Variants in ATG10 observed in about 807,000 individuals in gnomAD.
The protein encoded by ATG10 is ubiquitin-like-conjugating enzyme ATG10.
In ATG10, 30 loss-of-function variants were observed where a neutral mutation model predicts 32.1. That is an observed-to-expected ratio of 0.94 (90% CI 0.70 to 1.27). ATG10 has a LOEUF of 1.27. Among genes scored for constraint, ATG10 ranks in the 50% most tolerant of loss-of-function variants. ATG10 has a pLI of 0.00. For synonymous variants in ATG10, 87 were observed against 91.5 expected (o/e 0.95, Z 0.28); for missense variants, 233 against 262.3 (o/e 0.89, Z 0.77).
intron 1 of ATG10, among the ~76,000 whole-genome samples, chr5:81,975,588 G>A (rs1295841020): frequency 5.3e-5 from 8 of 151,992 alleles, no homozygotes; most frequent in African/African-American, 1.2e-4. Flanking sequence ...AGGCTGAGGC[G>A]GGAGGATTGC....
At chr5:82,173,108 T>C (rs930571564) in intron 4 of ATG10, among the ~76,000 whole-genome samples, 2 of 152,192 alleles carry the variant, frequency 1.3e-5, no homozygotes, top group Non-Finnish European at 2.9e-5. Flanking sequence ...AGAACATTAT[T>C]CTTAAACTTA....
chr5:82,196,455 C>G (rs756701492), intron 5 of ATG10, among the ~76,000 whole-genome samples: 1 of 152,028 alleles, frequency 6.6e-6, no homozygotes, highest in African/African-American at 2.4e-5. Flanking sequence ...AAAACTGTTA[C>G]GTATCCTAAG....
At chr5:82,155,567 A>G (rs1184497888) in intron 3 of ATG10, among the ~76,000 whole-genome samples, 1 of 152,198 alleles carries the variant, frequency 6.6e-6, no homozygotes, top group Non-Finnish European at 1.5e-5. Flanking sequence ...GAAGCCTAAA[A>G]TATTTACTAC....
chr5:82,015,013 G>A (rs535419580), intron 2 of ATG10, among the ~76,000 whole-genome samples: 2 of 152,240 alleles, frequency 1.3e-5, no homozygotes, highest in South Asian at 4.1e-4. Flanking sequence ...GCTCTTTTAG[G>A]GCAGGCCTGG....
At chr5:82,247,467 A>G (rs1747083186) in intron 5 of ATG10, among the ~76,000 whole-genome samples, 1 of 152,100 alleles carries the variant, frequency 6.6e-6, no homozygotes, top group Non-Finnish European at 1.5e-5. Context: ...TTTCAACTCT[A>G]GAATTTCTAT....
intron 4 of ATG10, among the ~76,000 whole-genome samples, chr5:82,170,999 T>A (rs1743786972): frequency 6.6e-6 from 1 of 152,174 alleles, no homozygotes; most frequent in Non-Finnish European, 1.5e-5. Context: ...AGGCTGTAGA[T>A]ATCCAGCTGG....
chr5:82,180,121 G>A (rs911815241), intron 5 of ATG10, among the ~76,000 whole-genome samples: 1 of 152,080 alleles, frequency 6.6e-6, no homozygotes. Context: ...ATAGTTCTCC[G>A]AGGGCCTATG....
chr5:82,098,342 C>T (rs1225984746), intron 3 of ATG10, among the ~76,000 whole-genome samples: 2 of 124,228 alleles, frequency 1.6e-5, no homozygotes, highest in South Asian at 2.6e-4. Context: ...GACTGAGTCT[C>T]GCTCTGTCAC....
intron 2 of ATG10, among the ~76,000 whole-genome samples, chr5:82,033,225 T>A (rs906260717): frequency 3.3e-5 from 5 of 152,204 alleles, no homozygotes; most frequent in African/African-American, 1.2e-4. Flanking sequence ...AATTTTTATA[T>A]GTACATATAT....
At chr5:82,147,204 T>C (rs574861847) in intron 3 of ATG10, 49 of 223,932 alleles carry the variant, frequency 2.2e-4, no homozygotes, top group African/African-American at 9.9e-4. Flanking sequence ...AGTCTTGCTC[T>C]GTCACCCAGG....
intron 2 of ATG10, among the ~76,000 whole-genome samples, chr5:82,026,511 T>C (rs1435123050): frequency 1.3e-5 from 2 of 152,162 alleles, no homozygotes; most frequent in East Asian, 3.8e-4. Flanking sequence ...ATATGTATAA[T>C]TATTTTTATT....
chr5:81,981,797 T>G (rs967557516), intron 1 of ATG10, among the ~76,000 whole-genome samples: 1 of 152,224 alleles, frequency 6.6e-6, no homozygotes, highest in Non-Finnish European at 1.5e-5. Context: ...GAATTAGTTC[T>G]ACACACATTA....
chr5:82,043,513 G>A (rs1258904523), intron 2 of ATG10, among the ~76,000 whole-genome samples: 2 of 152,182 alleles, frequency 1.3e-5, no homozygotes, highest in African/African-American at 4.8e-5. Flanking sequence ...ATTCTTCCGT[G>A]GAAAATGGGT....
chr5:82,120,910 T>C (rs1341033554), intron 3 of ATG10, among the ~76,000 whole-genome samples: 2 of 152,174 alleles, frequency 1.3e-5, no homozygotes, highest in African/African-American at 4.8e-5. Flanking sequence ...TCTAATATTT[T>C]TGACAGGAAG....
chr5:82,039,199 C>T (rs896023246), intron 2 of ATG10, among the ~76,000 whole-genome samples: 8 of 152,148 alleles, frequency 5.3e-5, no homozygotes, highest in African/African-American at 1.7e-4. Context: ...AAAAGTTAGT[C>T]ATACTCAGAA....
intron 2 of ATG10, among the ~76,000 whole-genome samples, chr5:82,026,355 C>T (rs1026663808): frequency 7.2e-5 from 11 of 152,008 alleles, no homozygotes; most frequent in African/African-American, 1.9e-4. Flanking sequence ...ATATACGTGC[C>T]GCATTTTGTT....
intron 3 of ATG10, among the ~76,000 whole-genome samples, chr5:82,123,754 A>C: frequency 8.1e-6 from 1 of 123,618 alleles, no homozygotes; most frequent in African/African-American, 3.2e-5. Context: ...ACAGGGAGAC[A>C]CTGTCTGTAC....
chr5:82,230,680 C>G (rs931986298), intron 5 of ATG10, among the ~76,000 whole-genome samples: 1 of 135,046 alleles, frequency 7.4e-6, no homozygotes, highest in Non-Finnish European at 1.5e-5. Context: ...TTGCAGTGAG[C>G]TGAGATCGCA....
At chr5:82,250,594 C>T (rs1747215751) in intron 5 of ATG10, among the ~76,000 whole-genome samples, 2 of 152,192 alleles carry the variant, frequency 1.3e-5, no homozygotes, top group Admixed American at 1.3e-4. Flanking sequence ...TTCAGGCCTT[C>T]CCTTTCCAAG....
Sources: gnomAD v4.1 joint callset for allele counts (sites outside exome capture counted in the v4.1 genomes callset) on GRCh38, gnomAD v4.1.1 for gene constraint, MANE v1.5 for transcripts, NCBI Gene and HGNC (gene_info 2026-07-23, HGNC 2026-07-21) for gene names.